PRKG1: variants seen among roughly 807,000 people sequenced by gnomAD.
The protein encoded by PRKG1 is protein kinase cGMP-dependent 1.
PRKG1 carries 35 observed loss-of-function variants against 88.1 expected under a neutral mutation model. That is an observed-to-expected ratio of 0.40 (90% confidence interval 0.30 to 0.53). The LOEUF (loss-of-function observed/expected upper bound fraction) is 0.53, where lower values mean the gene tolerates loss of function less well. PRKG1 is among the 20% of genes least tolerant of loss of function. PRKG1 has a pLI of 0.59. For missense variants in PRKG1, 540 were observed against 839.8 expected, an observed-to-expected ratio of 0.64 and a Z score of 4.41; for synonymous variants, 303 against 292.5, an observed-to-expected ratio of 1.04 and a Z score of -0.37.
chr10:51,822,451 C>G (rs58618242), intron 4 of PRKG1, among the ~76,000 whole-genome samples: 1 of 151,600 alleles, frequency 6.6e-6, no homozygotes, highest in South Asian at 2.1e-4. Context: ...GAACAAATGG[C>G]GCTAAATGAA....
At chr10:52,265,217 C>T (rs1320165141) in intron 10 of PRKG1, among the ~76,000 whole-genome samples, 3 of 151,970 alleles carry the variant, frequency 2.0e-5, no homozygotes, top group Admixed American at 2.0e-4. Context: ...TTTATGTTTT[C>T]CTTAACTCCC....
chr10:51,398,590 G>A (rs986845362), intron 2 of PRKG1, among the ~76,000 whole-genome samples: 12 of 152,298 alleles, frequency 7.9e-5, no homozygotes, highest in Admixed American at 4.6e-4. Context: ...ATTGTTTTTT[G>A]TCCCCAGAAG....
chr10:51,382,699 C>T (rs1837141378), intron 2 of PRKG1, among the ~76,000 whole-genome samples: 1 of 152,164 alleles, frequency 6.6e-6, no homozygotes, highest in African/African-American at 2.4e-5. Flanking sequence ...ATGAATTATA[C>T]TACACATTTA....
intron 3 of PRKG1, among the ~76,000 whole-genome samples, chr10:51,638,982 C>A (rs1005539128): frequency 2.0e-5 from 3 of 152,112 alleles, no homozygotes; most frequent in Non-Finnish European, 4.4e-5. Context: ...TCTTTATACA[C>A]TACAGAATTA....
At chr10:52,121,028 G>A (rs146454654) in intron 7 of PRKG1, among the ~76,000 whole-genome samples, 6 of 152,246 alleles carry the variant, frequency 3.9e-5, no homozygotes, top group African/African-American at 1.2e-4. Flanking sequence ...CACTGCCAAG[G>A]CCCACTGCTT....
At chr10:52,234,849 A>C (rs953313738) in intron 9 of PRKG1, among the ~76,000 whole-genome samples, 1 of 93,148 alleles carries the variant, frequency 1.1e-5, no homozygotes. Context: ...GAGCAACTCC[A>C]AGACACATAA....
chr10:51,790,434 A>G (rs768455196), intron 3 of PRKG1, among the ~76,000 whole-genome samples: 2 of 152,150 alleles, frequency 1.3e-5, no homozygotes, highest in African/African-American at 2.4e-5. Flanking sequence ...ATATCTGAGA[A>G]TAGTTTCATG....
chr10:51,933,509 A>T (rs1178348097), intron 5 of PRKG1, among the ~76,000 whole-genome samples: 2 of 152,046 alleles, frequency 1.3e-5, no homozygotes, highest in African/African-American at 4.8e-5. Context: ...AGTAACTATC[A>T]ATTCAACTAC....
chr10:51,321,712 A>G (rs1317085868), intron 2 of PRKG1, among the ~76,000 whole-genome samples: 1 of 152,212 alleles, frequency 6.6e-6, no homozygotes, highest in Non-Finnish European at 1.5e-5. Flanking sequence ...GGGTGACTAT[A>G]GTAAAAATTA....
chr10:52,066,628 T>G (rs1589574300), intron 7 of PRKG1, among the ~76,000 whole-genome samples: 1 of 152,160 alleles, frequency 6.6e-6, no homozygotes, highest in African/African-American at 2.4e-5. Flanking sequence ...AATAGGCTAG[T>G]AAAACAGGTG....
chr10:51,243,074 G>A (rs1839195908), intron 2 of PRKG1, among the ~76,000 whole-genome samples: 1 of 152,114 alleles, frequency 6.6e-6, no homozygotes, highest in Admixed American at 6.6e-5. Flanking sequence ...GATGGACTTG[G>A]AAATGCCCCT....
At chr10:52,035,463 T>C (rs1845583497) in intron 5 of PRKG1, among the ~76,000 whole-genome samples, 1 of 152,194 alleles carries the variant, frequency 6.6e-6, no homozygotes, top group Non-Finnish European at 1.5e-5. Flanking sequence ...TACTATAGCA[T>C]AACCTGCCTT....
rs1838718786 is a variant in PRKG1, at chr10:51,604,914, C to G, written c.592+137078C>G. On this transcript the variant is annotated intron_variant, in intron 3 of 17. Coordinates refer to ENST00000373980, the MANE Select transcript of PRKG1 (RefSeq NM_006258.4). Reference sequence around the variant, plus strand: ...TCTGCCTTATTGCAAGGACAGGGGGCCATTGTGACAGCCTGAGTTCTTGCC... The same window carrying G: ...TCTGCCTTATTGCAAGGACAGGGGGGCATTGTGACAGCCTGAGTTCTTGCC... 2.0e-5 allele frequency among the ~76,000 whole-genome samples: 3 copies of G among 152,182 alleles called. 1 individual carries two copies.
chr10:51,511,294 C>T (rs10762182), intron 3 of PRKG1, among the ~76,000 whole-genome samples: 109,458 of 151,840 alleles, frequency 0.72, 40,367 homozygotes, highest in African/African-American at 0.87. Context: ...CCAGCTAATT[C>T]CACTGGATTT....
chr10:51,325,292 GCT>G (rs1189266675), intron 2 of PRKG1, among the ~76,000 whole-genome samples: 5 of 152,106 alleles, frequency 3.3e-5, no homozygotes, highest in Non-Finnish European at 7.4e-5. Flanking sequence ...ACAGAGTCTC[GCT>G]CTGTCACCCA....
intron 7 of PRKG1, among the ~76,000 whole-genome samples, chr10:52,080,471 T>C (rs977460060): frequency 6.6e-6 from 1 of 152,140 alleles, no homozygotes; most frequent in Non-Finnish European, 1.5e-5. Context: ...TTCGTAAAGA[T>C]GGTAATATTT....
chr10:51,345,903 TTC>T (rs1842103325), intron 2 of PRKG1, among the ~76,000 whole-genome samples: 1 of 152,224 alleles, frequency 6.6e-6, no homozygotes, highest in Admixed American at 6.5e-5. Context: ...TTGCTCTTGA[TTC>T]CAGCAGGAAA....
chr10:51,985,543 T>C (rs1442920174), intron 5 of PRKG1, among the ~76,000 whole-genome samples: 1 of 152,218 alleles, frequency 6.6e-6, no homozygotes, highest in Non-Finnish European at 1.5e-5. Flanking sequence ...TTCTGTCAGC[T>C]CTTGGCACAT....
At chr10:51,778,766 TG>T (rs1294238263) in intron 3 of PRKG1, among the ~76,000 whole-genome samples, 1 of 152,132 alleles carries the variant, frequency 6.6e-6, no homozygotes, top group African/African-American at 2.4e-5. Context: ...TTCCTTCTTC[TG>T]AGAGATGTCA....
Sources: allele counts gnomAD v4.1 joint callset (sites outside exome capture counted in the v4.1 genomes callset), GRCh38; gene constraint gnomAD v4.1.1; transcripts MANE v1.5; gene names NCBI Gene and HGNC (gene_info 2026-07-23, HGNC 2026-07-21).